MAST4: variants seen among roughly 807,000 people sequenced by gnomAD.
The protein encoded by MAST4 is microtubule-associated serine/threonine-protein kinase 4.
Under a neutral mutation model 162.7 loss-of-function variants are expected in MAST4, and 89 were observed. The ratio of observed to expected loss-of-function variants is 0.55; its 90% CI spans 0.46 to 0.65. MAST4 has a LOEUF of 0.65. MAST4 is among the 30% of genes least tolerant of loss of function. MAST4 has a pLI of 0.00. For synonymous variants in MAST4, 1,479 were observed against 1,361.1 expected (o/e 1.09, Z -1.91); for missense variants, 3,153 against 3,374.0 (o/e 0.93, Z 1.62).
chr5:66,886,864 T>C (rs1304968639), intron 3 of MAST4, among the ~76,000 whole-genome samples: 2 of 151,772 alleles, frequency 1.3e-5, no homozygotes, highest in Non-Finnish European at 2.9e-5. Flanking sequence ...GGCCACCTTA[T>C]GAACATTTTC....
chr5:67,104,590 C>T lies in MAST4; in HGVS notation c.1356+15C>T. 1 of 1,600,286 alleles carries T rather than the reference C, an allele frequency of 6.2e-7. No individual in the cohort carries two copies. Among genetic ancestry groups the T allele is most frequent in the Admixed American group, 1.7e-5 (1 of 58,638 alleles). On this transcript the variant is annotated intron_variant, in intron 10 of 28. Coordinates refer to ENST00000403625, the MANE Select transcript of MAST4 (RefSeq NM_001164664.2). ...TGCTACAGGAGGTAAGAACCATGTA[C>T]CATATAGTTTTCTGATTTATTTTGC... is the stretch of plus-strand genomic sequence containing the variant.
intron 4 of MAST4, among the ~76,000 whole-genome samples, chr5:66,995,253 A>G (rs1461709879): frequency 1.3e-5 from 2 of 152,236 alleles, no homozygotes; most frequent in Non-Finnish European, 2.9e-5. Flanking sequence ...AAAAATATCA[A>G]TCAAATTTTA....
chr5:67,093,169 A>T (rs1391714391), intron 6 of MAST4, among the ~76,000 whole-genome samples: 1 of 151,932 alleles, frequency 6.6e-6, no homozygotes, highest in Non-Finnish European at 1.5e-5. Context: ...GAGGGTTGTT[A>T]TTTTTTTGCT....
chr5:66,866,286 T>C (rs1224157356), intron 3 of MAST4, among the ~76,000 whole-genome samples: 2 of 152,126 alleles, frequency 1.3e-5, no homozygotes, highest in Admixed American at 6.5e-5. Flanking sequence ...AACTGGACTT[T>C]TCTGGAGATG....
rs184605592 is a variant in MAST4 at position 66,684,880 on chromosome 5, G to A, written c.364-74829G>A. On this transcript the variant is annotated intron_variant, in intron 1 of 28. Coordinates refer to ENST00000403625, the MANE Select transcript of MAST4 (RefSeq NM_001164664.2). ...CTCAGCGCTTGTGGGAGGTAAAAGG[G>A]TGTGATGCTGACTGCTACAATTCCA... 2.6e-5 allele frequency among the ~76,000 whole-genome samples: 4 copies of A among 152,290 alleles called. No homozygotes were observed. In the East Asian group the frequency reaches 5.8e-4, roughly 22 times the overall value.
chr5:66,653,904 G>A (rs928374760), intron 1 of MAST4, among the ~76,000 whole-genome samples: 7 of 152,114 alleles, frequency 4.6e-5, no homozygotes, highest in East Asian at 1.9e-4. Context: ...AAGGAGGAGC[G>A]TACCTGTTTT....
rs141898877 is a variant in MAST4 at position 67,123,237 on chromosome 5, G to A, written c.1745+2135G>A. ...CCATGACTCCTCAAAAACTGGTGGAGCTGGGAACTAACCCTGTCATTAGGA... is the reference window on the plus strand; with the variant it reads ...CCATGACTCCTCAAAAACTGGTGGAACTGGGAACTAACCCTGTCATTAGGA... On this transcript the variant is annotated intron_variant, in intron 14 of 28. Transcript: ENST00000403625. Among the ~76,000 whole-genome samples, 746 of 152,292 alleles carry A rather than the reference G, an allele frequency of 4.9e-3. 1 individual carries two copies. The highest frequency in any genetic ancestry group is 8.8e-3 in the Non-Finnish European group (601 of 68,020).
chr5:66,598,168 G>A (rs1024204034), intron 1 of MAST4, among the ~76,000 whole-genome samples: 16 of 152,160 alleles, frequency 1.1e-4, no homozygotes, highest in Admixed American at 1.0e-3. Flanking sequence ...GCTTGGCAGA[G>A]ATGGAACAAG....
intron 4 of MAST4, chr5:66,917,090 A>G (rs1696868895): frequency 5.6e-6 from 4 of 714,914 alleles, no homozygotes; most frequent in Non-Finnish European, 1.0e-5. Flanking sequence ...ACCCATAAGA[A>G]TGCCCATTTT....
chr5:66,859,840 C>T (rs533032397), intron 3 of MAST4, among the ~76,000 whole-genome samples: 1 of 152,324 alleles, frequency 6.6e-6, no homozygotes, highest in African/African-American at 2.4e-5. Context: ...GCCCATCATC[C>T]TAAAAGTTAG....
chr5:67,121,218 C>A (rs957735147), intron 14 of MAST4, 116 bp downstream of exon 14: 5 of 751,840 alleles, frequency 6.7e-6, no homozygotes, highest in Non-Finnish European at 1.1e-5. Context: ...CTTTTCAGAT[C>A]ACTGCTCCTT....
intron 3 of MAST4, among the ~76,000 whole-genome samples, chr5:66,865,920 C>G (rs576089279): frequency 6.6e-6 from 1 of 151,734 alleles, no homozygotes; most frequent in Non-Finnish European, 1.5e-5. Flanking sequence ...ACCAAAAATA[C>G]GAAAATTAAC....
At chr5:67,144,926 C>A in intron 22 of MAST4, 130 bp downstream of exon 22, 1 of 1,189,132 alleles carries the variant, frequency 8.4e-7, no homozygotes, top group Non-Finnish European at 1.2e-6. Flanking sequence ...GTTTCTCATC[C>A]AGTAGATCTA....
At chr5:67,069,023 C>T (rs761360396) in intron 5 of MAST4, among the ~76,000 whole-genome samples, 7 of 151,692 alleles carry the variant, frequency 4.6e-5, no homozygotes, top group Non-Finnish European at 7.4e-5. Flanking sequence ...GGTGGAGAGT[C>T]GCTGATACAC....
chr5:67,016,456 A>G (rs1753294481), intron 4 of MAST4, among the ~76,000 whole-genome samples: 1 of 152,216 alleles, frequency 6.6e-6, no homozygotes, highest in Non-Finnish European at 1.5e-5. Flanking sequence ...TTCAAAAGAT[A>G]TTTGTAGAAT....
chr5:66,639,925 A>C (rs1343932840), intron 1 of MAST4, among the ~76,000 whole-genome samples: 8 of 152,202 alleles, frequency 5.3e-5, no homozygotes, highest in Non-Finnish European at 7.4e-5. Context: ...ATCATCTCAC[A>C]TGGTTACCTT....
At chr5:66,973,289 G>GTT (rs199660691) in intron 4 of MAST4, among the ~76,000 whole-genome samples, 1 of 144,596 alleles carries the variant, frequency 6.9e-6, no homozygotes. Context: ...GTCTGTGAAA[G>GTT]TTTTTTTTTT....
chr5:66,952,424 T>C lies in MAST4; in HGVS notation c.674+52442T>C, dbSNP rs114646482. Among the ~76,000 whole-genome samples, 333 of 152,174 alleles carry C rather than the reference T, an allele frequency of 2.2e-3. 2 individuals carry two copies. Among genetic ancestry groups the C allele is most frequent in the African/African-American group, 7.7e-3 (318 of 41,526 alleles). On this transcript the variant is annotated intron_variant, in intron 4 of 28. Transcript: ENST00000403625. ...TTAGAAGCCATTAGCCAGCTTCTTATAAAGACCTGCTTGAAAAAATGAACT... is the reference window on the plus strand; with the variant it reads ...TTAGAAGCCATTAGCCAGCTTCTTACAAAGACCTGCTTGAAAAAATGAACT...
chr5:67,072,278 A>G (rs780709316), intron 5 of MAST4, among the ~76,000 whole-genome samples: 46 of 152,346 alleles, frequency 3.0e-4, no homozygotes, highest in Non-Finnish European at 4.7e-4. Flanking sequence ...TTAATATTAT[A>G]AACACTGTTA....
Sources: gnomAD v4.1 joint callset for allele counts (sites outside exome capture counted in the v4.1 genomes callset) on GRCh38, gnomAD v4.1.1 for gene constraint, MANE v1.5 for transcripts, NCBI Gene and HGNC (gene_info 2026-07-23, HGNC 2026-07-21) for gene names.